Variants in PRMT5 observed in about 807,000 individuals in gnomAD.
PRMT5 encodes the protein protein arginine N-methyltransferase 5.
In PRMT5, 15 loss-of-function variants were observed where a neutral mutation model predicts 84.0. The ratio of observed to expected loss-of-function variants is 0.18; its 90% confidence interval spans 0.12 to 0.28. The LOEUF is 0.28. Ranked by LOEUF, PRMT5 falls within the 10% of genes least tolerant of loss-of-function variation. PRMT5 has a pLI of 1.00. For synonymous variants in PRMT5, 276 were observed against 292.4 expected (o/e 0.94, Z 0.57); for missense variants, 486 against 808.0 (o/e 0.60, Z 4.83).
At chr14:22,921,574 G>A (rs972366842) in intron 16 of PRMT5, among the ~76,000 whole-genome samples, 1 of 152,158 alleles carries the variant, frequency 6.6e-6, no homozygotes, top group African/African-American at 2.4e-5. Context: ...GCATTGAAGA[G>A]TTTTAAGCAA....
chr14:22,922,585 A>G (rs1180066626), intron 14 of PRMT5, 26 bp from the exon 15 acceptor site: 1 of 1,583,394 alleles, frequency 6.3e-7, no homozygotes, highest in Admixed American at 1.7e-5. Context: ...TATGTGGGTG[A>G]CAAGGGGCCA....
In PRMT5 at chr14:22,926,859, T is replaced by C. The variant is rs367898864; in HGVS notation, c.451-45A>G. ...CTTTTAGAACTCTCTTTTGAACTCA[T>C]TGGGTCCAGAAAGTTTCCCTCAATA... On this transcript the variant is annotated intron_variant, in intron 4 of 16. Coordinates refer to ENST00000324366, the MANE Select transcript of PRMT5 (RefSeq NM_006109.5). 152 of 1,394,406 alleles carry C rather than the reference T, an allele frequency of 1.1e-4. No homozygotes were observed. In the African/African-American group the frequency reaches 1.3e-3, roughly 12 times the overall value. The allele number at this position is 1,394,406 out of a possible 1,614,324, so 86.4% of individuals were successfully genotyped here. A position where few individuals can be genotyped will look rare whatever the true frequency, so the allele number is the denominator to read the frequency against.
At chr14:22,921,125 G>T in intron 16 of PRMT5, 69 bp from the exon 17 acceptor site, 1 of 1,569,530 alleles carries the variant, frequency 6.4e-7, no homozygotes. Context: ...ATTAAGGTAG[G>T]TGTGGAGATA....
chr14:22,925,819 CAAAAAAA>C (rs780242733), intron 7 of PRMT5, among the ~76,000 whole-genome samples: 4 of 134,682 alleles, frequency 3.0e-5, no homozygotes, highest in African/African-American at 8.2e-5. Context: ...GACCCTGTCT[CAAAAAAA>C]AAAAGAAAAA....
rs1218013673 is a variant in PRMT5 at position 22,925,026 on chromosome 14, G to A, written c.792C>T (p.Phe264=). The A allele has an allele frequency of 3.7e-6, 6 of 1,613,816 alleles. No homozygotes were observed. The African/African-American group carries it at 8.0e-5, about 22-fold the overall frequency. ...IFRLLKLEVQ[F]IITGTNHHSE... ...AGTGGTGGTTGGTGCCTGTGATGAT[G>A]AACTGCACCTCCAACTGTGAGAAAA... The change falls in exon 8 of 17, where the codon TTC becomes TTT. Residue 264 remains phenylalanine, a synonymous_variant. Coordinates refer to ENST00000324366, the MANE Select transcript of PRMT5 (RefSeq NM_006109.5).
intron 13 of PRMT5, 42 bp from the exon 14 acceptor site, chr14:22,922,877 C>G (rs375548859): frequency 6.3e-7 from 1 of 1,576,878 alleles, no homozygotes; most frequent in South Asian, 1.1e-5. Context: ...GGGGAAGACA[C>G]ACAAGAGAGA....
intron 6 of PRMT5, 58 bp from the exon 7 acceptor site, chr14:22,926,354 T>C (rs2044418765): frequency 2.5e-6 from 4 of 1,602,452 alleles, no homozygotes; most frequent in Non-Finnish European, 3.4e-6. Context: ...CCTTCCTTGC[T>C]CCTTTGCGCA....
chr14:22,926,035 A>C (rs1047613041), intron 7 of PRMT5, 98 bp downstream of exon 7: 27 of 1,319,004 alleles, frequency 2.0e-5, no homozygotes, highest in Admixed American at 4.6e-5. Context: ...CCAGAAACCA[A>C]AGAAAAAGAG....
Position 22,924,830 on chromosome 14 carries a change from GA to G in PRMT5, c.939+48del, listed in dbSNP as rs748222399. ...AAGATTTGGAGGCATATATTCTCAA[GA>G]AACATTTTCCATCCCACCTTCCTCC... On this transcript the variant is annotated intron_variant, in intron 8 of 16. Coordinates refer to ENST00000324366, the MANE Select transcript of PRMT5 (RefSeq NM_006109.5). This position sits in a 1 kb window ranked among gnomAD's most constrained non-coding sequence, Gnocchi z 6.5. The G allele has an allele frequency of 2.5e-6, 4 of 1,600,660 alleles. No individual in the cohort carries two copies. Among genetic ancestry groups the G allele is most frequent in the African/African-American group, 1.3e-5 (1 of 74,590 alleles).
At position 22,928,613 on chromosome 14, in the gene PRMT5, A is replaced by G; in HGVS notation, c.113T>C (p.Phe38Ser). The change falls in exon 2 of 17, where the codon TTT (phenylalanine) becomes TCT (serine). Residue 38 changes from phenylalanine to serine, a missense_variant and splice_region_variant. Transcript: ENST00000324366. The surrounding 1 kb of genome is among the most constrained non-coding windows in gnomAD (Gnocchi z 4.8). Reference sequence around the variant, plus strand: ...GAAGACAGGCATGCAGAGGAAATCAAACCTACAACCGCGACAGACCCAGAA... The same window carrying G: ...GAAGACAGGCATGCAGAGGAAATCAGACCTACAACCGCGACAGACCCAGAA... ...DTLGAVAKQG[F>S]DFLCMPVFHP... The G allele has an allele frequency of 6.2e-7, 1 of 1,606,282 alleles. No homozygotes were observed. The highest frequency in any genetic ancestry group is 8.5e-7 in the Non-Finnish European group (1 of 1,172,860).
rs374021746 is a variant in PRMT5, at chr14:22,924,203, G to A, written c.1200-20C>T. ...TCTAGCCTGAAACAGAGACAATAAG[G>A]TAAGGAGAGATGTTAAGGAAATTTG... is the stretch of plus-strand genomic sequence containing the variant. On this transcript the variant is annotated intron_variant, in intron 11 of 16. Coordinates refer to ENST00000324366, the MANE Select transcript of PRMT5 (RefSeq NM_006109.5). This position sits in a 1 kb window ranked among gnomAD's most constrained non-coding sequence, Gnocchi z 6.5. 2.5e-6 allele frequency: 4 copies of A among 1,611,346 alleles called. No individual in the cohort carries two copies. The African/African-American group carries it at 5.3e-5, about 22-fold the overall frequency.
rs1161768699 is a variant in PRMT5 at position 22,928,242 on chromosome 14, C to G, written c.230-31G>C. 6.2e-7 allele frequency: 1 copy of G among 1,602,580 alleles called. No individual in the cohort carries two copies. The highest frequency in any genetic ancestry group is 8.5e-7 in the Non-Finnish European group (1 of 1,170,116). ...CTCCCCCACCCAAGAAAGACAAATA[C>G]TGAATAAGGTTCAGCACTTTACTTG... On this transcript the variant is annotated intron_variant, in intron 2 of 16. Coordinates refer to ENST00000324366, the MANE Select transcript of PRMT5 (RefSeq NM_006109.5). This position sits in a 1 kb window ranked among gnomAD's most constrained non-coding sequence, Gnocchi z 4.8.
chr14:22,923,986 C>T lies in PRMT5; in HGVS notation c.1375+22G>A. Reference sequence around the variant, plus strand: ...TGTCTCACCCATCATCACCCTCCACCTACACCCCAACCTGGGGGCACCTTT... The same window carrying T: ...TGTCTCACCCATCATCACCCTCCACTTACACCCCAACCTGGGGGCACCTTT... On this transcript the variant is annotated intron_variant, in intron 12 of 16. Coordinates refer to ENST00000324366, the MANE Select transcript of PRMT5 (RefSeq NM_006109.5). This position sits in a 1 kb window ranked among gnomAD's most constrained non-coding sequence, Gnocchi z 5.2. 6.5e-7 allele frequency: 1 copy of T among 1,537,470 alleles called. No individual in the cohort carries two copies. Among genetic ancestry groups the T allele is most frequent in the Non-Finnish European group, 8.7e-7 (1 of 1,145,296 alleles).
Position 22,928,234 on chromosome 14 carries a change from G to A in PRMT5, c.230-23C>T, listed in dbSNP as rs759516489. ...AGTCTGCACTCCCCCACCCAAGAAA[G>A]ACAAATACTGAATAAGGTTCAGCAC... is the stretch of plus-strand genomic sequence containing the variant. On this transcript the variant is annotated intron_variant, in intron 2 of 16. Transcript: ENST00000324366. The surrounding 1 kb of genome is among the most constrained non-coding windows in gnomAD (Gnocchi z 4.8). The A allele has an allele frequency of 3.7e-6, 6 of 1,606,540 alleles. No homozygotes were observed. In the South Asian group the frequency reaches 5.5e-5, roughly 15 times the overall value.
chr14:22,921,109 C>T (rs1015370838), intron 16 of PRMT5, 53 bp from the exon 17 acceptor site: 4 of 1,599,660 alleles, frequency 2.5e-6, no homozygotes, highest in African/African-American at 1.3e-5. Flanking sequence ...TTATACATGG[C>T]AATGTATTAA....
chr14:22,922,452 T>C lies in PRMT5; in HGVS notation c.1687A>G (p.Ile563Val), dbSNP rs375164051. Residue 563 changes from isoleucine (I) to valine (V), a missense_variant, in exon 15 of 17, where the codon ATC becomes GTC. Transcript: ENST00000324366. ...TGCCATAGACACTCACTCAGAGTGA[T>C]GTCCTGATAAAGCACAGTCTCAAAG... is the stretch of plus-strand genomic sequence containing the variant. ...GYFETVLYQD[I>V]TLSIRPETHS... 5.0e-6 allele frequency: 8 copies of C among 1,609,762 alleles called. No homozygotes were observed. The highest frequency in any genetic ancestry group is 1.7e-5 in the Admixed American group (1 of 59,984).
rs35227863 is a variant in PRMT5 at position 22,927,707 on chromosome 14, CTTTTTTTTT to C, written c.316-56_316-48del. 1.8e-5 allele frequency: 24 copies of C among 1,360,312 alleles called. No individual in the cohort carries two copies. In the South Asian group the frequency reaches 3.2e-4, roughly 18 times the overall value. The allele number at this position is 1,360,312 out of a possible 1,614,324, so 84.3% of individuals were successfully genotyped here. A position where few individuals can be genotyped will look rare whatever the true frequency, so the allele number is the denominator to read the frequency against. ...AAAGTTTGAGCTAACAAGCAAACAG[CTTTTTTTTT>C]TTTTTTTTTGAGACAAAGTCTCACT... On this transcript the variant is annotated intron_variant, in intron 3 of 16. Transcript: ENST00000324366.
Position 22,924,875 on chromosome 14 carries a change from C to G in PRMT5, c.939+4G>C. On this transcript the variant is annotated splice_donor_region_variant and intron_variant, in intron 8 of 16. Coordinates refer to ENST00000324366, the MANE Select transcript of PRMT5 (RefSeq NM_006109.5). The surrounding 1 kb of genome is among the most constrained non-coding windows in gnomAD (Gnocchi z 6.5). ...TTCCTCCTCTAAGTGCACTCCAGAC[C>G]CACCTGAAGCGGGGACTGCAGATAG... 1.9e-6 allele frequency: 3 copies of G among 1,613,836 alleles called. No homozygotes were observed. Among genetic ancestry groups the G allele is most frequent in the Non-Finnish European group, 1.7e-6 (2 of 1,179,840 alleles).
In PRMT5 at chr14:22,924,218, A is replaced by C. The variant is rs756675753; in HGVS notation, c.1200-35T>G. 22 of 1,611,708 alleles carry C rather than the reference A, an allele frequency of 1.4e-5. No individual in the cohort carries two copies. The highest frequency in any genetic ancestry group is 1.7e-5 in the Non-Finnish European group (20 of 1,178,408). On this transcript the variant is annotated intron_variant, in intron 11 of 16. Transcript: ENST00000324366. The surrounding 1 kb of genome is among the most constrained non-coding windows in gnomAD (Gnocchi z 6.5). ...AGACAATAAGGTAAGGAGAGATGTTAAGGAAATTTGGCAATGAGGACTAAC... is the reference window on the plus strand; with the variant it reads ...AGACAATAAGGTAAGGAGAGATGTTCAGGAAATTTGGCAATGAGGACTAAC...
Sources: allele counts gnomAD v4.1 joint callset (sites outside exome capture counted in the v4.1 genomes callset), GRCh38; gene constraint gnomAD v4.1.1; non-coding constraint Gnocchi (gnomAD v3.1); transcripts MANE v1.5; gene names NCBI Gene and HGNC (gene_info 2026-07-23, HGNC 2026-07-21).